Variants in RPS6KA2 observed in about 807,000 individuals in gnomAD.
The protein encoded by RPS6KA2 is ribosomal protein S6 kinase A2.
In RPS6KA2, 42 loss-of-function variants were observed where a neutral mutation model predicts 91.8. That is an observed-to-expected ratio of 0.46 (90% CI 0.36 to 0.59). The LOEUF is 0.59. Ranked by LOEUF, RPS6KA2 falls within the 20% of genes least tolerant of loss-of-function variation. RPS6KA2 has a pLI of 0.00. For missense variants in RPS6KA2, 798 were observed against 978.5 expected (o/e 0.82, Z 2.46); for synonymous variants, 414 against 393.6 (o/e 1.05, Z -0.61).
At chr6:166,707,404 T>C (rs1230661219) in intron 2 of RPS6KA2, among the ~76,000 whole-genome samples, 1 of 152,214 alleles carries the variant, frequency 6.6e-6, no homozygotes, top group Non-Finnish European at 1.5e-5. Flanking sequence ...AGTAAGCAAA[T>C]ATTGTTGATT....
At chr6:166,685,270 A>G (rs113315661) in intron 2 of RPS6KA2, among the ~76,000 whole-genome samples, 3,714 of 111,872 alleles carry the variant, frequency 0.033, 402 homozygotes, top group African/African-American at 0.18. Context: ...CTCAGGCAGG[A>G]CCCTGATGGA....
chr6:166,790,329 A>G (rs1259688886), intron 2 of RPS6KA2, among the ~76,000 whole-genome samples: 1 of 152,230 alleles, frequency 6.6e-6, no homozygotes, highest in Non-Finnish European at 1.5e-5. Context: ...TATAAAAAGA[A>G]ATGAACAAAG....
intron 12 of RPS6KA2, among the ~76,000 whole-genome samples, chr6:166,457,559 T>G (rs1271497094): frequency 6.6e-6 from 1 of 152,112 alleles, no homozygotes; most frequent in African/African-American, 2.4e-5. Flanking sequence ...GTTTTAATTC[T>G]ACCTGGGGAC....
chr6:166,697,160 G>A (rs1789383839), intron 2 of RPS6KA2, among the ~76,000 whole-genome samples: 1 of 151,990 alleles, frequency 6.6e-6, no homozygotes, highest in Non-Finnish European at 1.5e-5. Context: ...TGTTTCTCTG[G>A]TGAACCCTAA....
chr6:166,440,967 G>A (rs1321407599), intron 14 of RPS6KA2, among the ~76,000 whole-genome samples: 1 of 152,226 alleles, frequency 6.6e-6, no homozygotes, highest in Non-Finnish European at 1.5e-5. Context: ...CAATTCCACT[G>A]AGGAGCTTCT....
chr6:166,731,916 A>G (rs2128589280), intron 2 of RPS6KA2, among the ~76,000 whole-genome samples: 1 of 152,196 alleles, frequency 6.6e-6, no homozygotes, highest in East Asian at 1.9e-4. Flanking sequence ...GAATAAAACT[A>G]ACTTTAATTA....
chr6:166,564,679 A>G (rs558349974), intron 1 of RPS6KA2, among the ~76,000 whole-genome samples: 4 of 152,320 alleles, frequency 2.6e-5, no homozygotes, highest in Admixed American at 2.6e-4. Context: ...TCTCATTCAG[A>G]CGCTGTAAAA....
intron 14 of RPS6KA2, among the ~76,000 whole-genome samples, chr6:166,436,746 G>A (rs1242488825): frequency 1.3e-5 from 2 of 152,198 alleles, no homozygotes; most frequent in Admixed American, 6.5e-5. Flanking sequence ...ATGGGAAATG[G>A]CGCTCCCCGT....
chr6:166,652,285 T>G (rs1787876956), intron 2 of RPS6KA2, among the ~76,000 whole-genome samples: 1 of 152,256 alleles, frequency 6.6e-6, no homozygotes, highest in Non-Finnish European at 1.5e-5. Context: ...TATTCTGGTT[T>G]TATTTCCCAG....
intron 2 of RPS6KA2, among the ~76,000 whole-genome samples, chr6:166,772,045 A>G (rs1465328075): frequency 6.6e-6 from 1 of 152,196 alleles, no homozygotes; most frequent in Admixed American, 6.5e-5. Context: ...CTGGACGGTA[A>G]TTAATAACTG....
chr6:166,538,106 T>G (rs1336162815), intron 2 of RPS6KA2, among the ~76,000 whole-genome samples: 2 of 152,184 alleles, frequency 1.3e-5, no homozygotes, highest in Non-Finnish European at 2.9e-5. Flanking sequence ...GTGGGATTCG[T>G]GCCCTATTTA....
chr6:166,672,812 C>T (rs1788508115), intron 2 of RPS6KA2, among the ~76,000 whole-genome samples: 1 of 152,210 alleles, frequency 6.6e-6, no homozygotes, highest in Admixed American at 6.5e-5. Context: ...ATCCTTGCCT[C>T]CTTCACAGAT....
chr6:166,583,493 T>C (rs1428680869), intron 1 of RPS6KA2, among the ~76,000 whole-genome samples: 1 of 152,184 alleles, frequency 6.6e-6, no homozygotes, highest in Non-Finnish European at 1.5e-5. Flanking sequence ...CTGCGCACCT[T>C]CTCTGAGCTC....
intron 2 of RPS6KA2, among the ~76,000 whole-genome samples, chr6:166,762,327 A>G (rs1391755356): frequency 6.6e-6 from 1 of 152,134 alleles, no homozygotes; most frequent in Non-Finnish European, 1.5e-5. Context: ...CACCGTTCAA[A>G]GCAATTGGTA....
chr6:166,554,556 C>A lies in RPS6KA2; in HGVS notation c.100-15772G>T, dbSNP rs1272400761. Among the ~76,000 whole-genome samples the A allele has an allele frequency of 6.6e-6, 1 of 152,208 alleles. No homozygotes were observed. The highest frequency in any genetic ancestry group is 1.5e-5 in the Non-Finnish European group (1 of 68,040). ...CAGAGAGAAACATTCAGGGACAAAA[C>A]CTAAGTCACGAGGTCTGATGCGATG... is the stretch of plus-strand genomic sequence containing the variant. On this transcript the variant is annotated intron_variant, in intron 1 of 20. Transcript: ENST00000265678. This position sits in a 1 kb window ranked among gnomAD's most constrained non-coding sequence, Gnocchi z 4.3.
rs1055873443 is a variant in RPS6KA2, at chr6:166,412,387, C to T, written c.*375G>A. On this transcript the variant is annotated 3_prime_UTR_variant, in exon 21 of 21. Coordinates refer to ENST00000265678, the MANE Select transcript of RPS6KA2 (RefSeq NM_021135.6). The surrounding 1 kb of genome is among the most constrained non-coding windows in gnomAD (Gnocchi z 4.3). ...CACCGGGTACCTGGGACGTGGGTGT[C>T]GGGAGTCTGACCAAACCGACCGGCT... 4.4e-5 allele frequency: 7 copies of T among 158,122 alleles called. No individual in the cohort carries two copies. Among genetic ancestry groups the T allele is most frequent in the South Asian group, 1.8e-4 (1 of 5,438 alleles). 9.8% of individuals were successfully genotyped at this position (158,122 alleles called of 1,614,324 possible). A position where few individuals can be genotyped will look rare whatever the true frequency, so the allele number is the denominator to read the frequency against.
intron 2 of RPS6KA2, among the ~76,000 whole-genome samples, chr6:166,840,685 A>C (rs996651237): frequency 2.0e-5 from 3 of 152,204 alleles, no homozygotes; most frequent in Non-Finnish European, 4.4e-5. Context: ...TTTAAAAAGA[A>C]AGCTGGGCCG....
intron 2 of RPS6KA2, among the ~76,000 whole-genome samples, chr6:166,838,913 T>A (rs1437076963): frequency 2.2e-5 from 3 of 137,442 alleles, no homozygotes; most frequent in Non-Finnish European, 4.4e-5. Flanking sequence ...CAGGTCAGAG[T>A]CAGAGGACGA....
In RPS6KA2 at chr6:166,667,108, G is replaced by C. The variant is rs551834608; in HGVS notation, c.124-128324C>G. Among the ~76,000 whole-genome samples, 17 of 152,338 alleles carry C rather than the reference G, an allele frequency of 1.1e-4. No individual in the cohort carries two copies. The South Asian group carries it at 3.3e-3, about 30-fold the overall frequency. ...AGGATGAGGATTAGGGGGAAAAAGAGTTATTGCTTAAAGGGTAGCATTTCC... is the reference window on the plus strand; with the variant it reads ...AGGATGAGGATTAGGGGGAAAAAGACTTATTGCTTAAAGGGTAGCATTTCC... On this transcript the variant is annotated intron_variant, in intron 2 of 21. Transcript: ENST00000503859.
Sources: gnomAD v4.1 joint callset for allele counts (sites outside exome capture counted in the v4.1 genomes callset) on GRCh38, gnomAD v4.1.1 for gene constraint, Gnocchi (gnomAD v3.1) non-coding constraint, MANE v1.5 for transcripts, NCBI Gene and HGNC (gene_info 2026-07-23, HGNC 2026-07-21) for gene names.